Variants in CDHR3 observed in about 807,000 individuals in gnomAD.
CDHR3 encodes cadherin-related family member 3.
Under a neutral mutation model 86.6 loss-of-function variants are expected in CDHR3, and 79 were observed. The ratio of observed to expected loss-of-function variants is 0.91; its 90% CI spans 0.76 to 1.10. The LOEUF (loss-of-function observed/expected upper bound fraction) is 1.10. Among genes scored for constraint, CDHR3 ranks in the 50% least tolerant of loss-of-function variants. The pLI, the probability that CDHR3 is intolerant of heterozygous loss-of-function variation, is 0.00. For synonymous variants in CDHR3, 421 were observed against 402.4 expected (o/e 1.05, Z -0.55); for missense variants, 1,081 against 1,077.6 (o/e 1.00, Z -0.04).
chr7:105,972,217 G>A (rs1828090627), intron 1 of CDHR3, among the ~76,000 whole-genome samples: 1 of 152,212 alleles, frequency 6.6e-6, no homozygotes. Context: ...TCGGAGGATT[G>A]TGCTGGGATT....
chr7:106,029,255 A>G (rs1042777122), intron 17 of CDHR3, among the ~76,000 whole-genome samples: 3 of 152,176 alleles, frequency 2.0e-5, no homozygotes, highest in Non-Finnish European at 4.4e-5. Flanking sequence ...TGCTGGGATT[A>G]TAGGCATGAG....
At chr7:105,983,820 A>G (rs528544944) in intron 3 of CDHR3, among the ~76,000 whole-genome samples, 2 of 152,288 alleles carry the variant, frequency 1.3e-5, no homozygotes, top group Admixed American at 1.3e-4. Flanking sequence ...AGATTTGCAC[A>G]TTAAAATGGA....
Position 106,015,976 on chromosome 7 carries a change from C to A in CDHR3, c.1377C>A (p.Leu459=). Residue 459 remains leucine, a synonymous_variant, in exon 11 of 19, where the codon CTC becomes CTA. Coordinates refer to ENST00000317716, the MANE Select transcript of CDHR3 (RefSeq NM_152750.5). The part of the protein sequence containing the change: ...ILTSPENEFP[L]IFDRPSYVFD... Reference sequence around the variant, plus strand: ...CAAGCCCAGAAAATGAGTTTCCTCTCATTTTTGATAGGCCATCCTATGTAT... The same window carrying A: ...CAAGCCCAGAAAATGAGTTTCCTCTAATTTTTGATAGGCCATCCTATGTAT... The A allele has an allele frequency of 6.2e-7, 1 of 1,613,200 alleles. No individual in the cohort carries two copies. The highest frequency in any genetic ancestry group is 8.5e-7 in the Non-Finnish European group (1 of 1,179,534).
chr7:105,997,919 G>C (rs186997351), intron 6 of CDHR3, among the ~76,000 whole-genome samples: 16 of 152,068 alleles, frequency 1.1e-4, no homozygotes, highest in African/African-American at 3.9e-4. Context: ...TCCCCAAGCA[G>C]ATAGCATGAT....
At chr7:106,018,298 G>A (rs1835975244) in intron 12 of CDHR3, among the ~76,000 whole-genome samples, 2 of 152,186 alleles carry the variant, frequency 1.3e-5, no homozygotes. Context: ...GTACAGTGGT[G>A]TAACCTTGGC....
At position 106,018,048 on chromosome 7, in the gene CDHR3, C is replaced by G; in HGVS notation, c.1629C>G (p.Asn543Lys). ...ATATTCTCAGAATCCAGGCCACCAACAACGAAGACACAAGCTCTGTCACTG... is the reference window on the plus strand; with the variant it reads ...ATATTCTCAGAATCCAGGCCACCAAGAACGAAGACACAAGCTCTGTCACTG... ...PIYILRIQATNNEDTSSVTVT... is the reference protein window; with the variant it reads ...PIYILRIQATKNEDTSSVTVT... Residue 543 changes from asparagine to lysine, a missense_variant, in exon 12 of 19, where the codon AAC (asparagine) becomes AAG (lysine). By Grantham distance (94) the Asn-to-Lys change is moderately conservative. Transcript: ENST00000317716. 1.2e-6 allele frequency: 2 copies of G among 1,613,806 alleles called. No individual in the cohort carries two copies. Among genetic ancestry groups the G allele is most frequent in the Non-Finnish European group, 1.7e-6 (2 of 1,179,790 alleles).
At chr7:106,022,489 T>C in intron 14 of CDHR3, 41 bp downstream of exon 14, 3 of 1,594,588 alleles carry the variant, frequency 1.9e-6, no homozygotes, top group Non-Finnish European at 2.6e-6. Context: ...CACATTCCCT[T>C]GTGAGTTATG....
chr7:105,973,882 G>A (rs191440963), intron 1 of CDHR3, among the ~76,000 whole-genome samples: 9 of 152,184 alleles, frequency 5.9e-5, no homozygotes, highest in African/African-American at 1.7e-4. Flanking sequence ...CATGAGAATC[G>A]CTTGAACCCA....
intron 15 of CDHR3, among the ~76,000 whole-genome samples, chr7:106,025,016 AC>A (rs1261972535): frequency 6.6e-6 from 1 of 152,224 alleles, no homozygotes. Context: ...TTTTTGTGTG[AC>A]CAAATAATTC....
At chr7:106,011,858 T>C (rs776241181) in intron 8 of CDHR3, among the ~76,000 whole-genome samples, 2 of 152,066 alleles carry the variant, frequency 1.3e-5, no homozygotes, top group African/African-American at 4.8e-5. Context: ...AACCCTGGAG[T>C]CTACTGAGAT....
chr7:106,024,492 CT>C lies in CDHR3; in HGVS notation c.2189del (p.Leu730ArgfsTer24). The C allele has an allele frequency of 6.2e-7, 1 of 1,614,034 alleles. No homozygotes were observed. The highest frequency in any genetic ancestry group is 8.5e-7 in the Non-Finnish European group (1 of 1,179,902). On this transcript the variant is annotated frameshift_variant, in exon 15 of 19. Coordinates refer to ENST00000317716, the MANE Select transcript of CDHR3 (RefSeq NM_152750.5). LOFTEE classifies it high-confidence loss of function. ...ATTGCTTCTGGGTCTCCTCGTGTAC[CT>C]GGTCGTCCTATTGGCCAAAGCCATC... ...SILLLGLLVY[L>X]VVLLAKAIHR...
intron 8 of CDHR3, among the ~76,000 whole-genome samples, chr7:106,007,454 C>T (rs1343692488): frequency 6.6e-6 from 1 of 152,208 alleles, no homozygotes; most frequent in Non-Finnish European, 1.5e-5. Context: ...TTTAACAGCA[C>T]CCAAGTCACA....
chr7:106,024,286 A>T, intron 14 of CDHR3, 95 bp from the exon 15 acceptor site: 1 of 1,083,618 alleles, frequency 9.2e-7, no homozygotes, highest in Non-Finnish European at 1.3e-6. Context: ...CAATAACAAT[A>T]ACAAAGAGTG....
intron 13 of CDHR3, among the ~76,000 whole-genome samples, chr7:106,021,560 C>T (rs981637439): frequency 1.3e-5 from 2 of 152,242 alleles, no homozygotes; most frequent in African/African-American, 4.8e-5. Context: ...CTTGGGCTGG[C>T]AGCCTCTCTG....
intron 1 of CDHR3, among the ~76,000 whole-genome samples, chr7:105,973,473 C>T (rs1024456590): frequency 1.3e-5 from 2 of 152,132 alleles, no homozygotes; most frequent in African/African-American, 4.8e-5. Flanking sequence ...CCATGCCTAC[C>T]TCCTAGCTTC....
chr7:105,996,576 C>T (rs1184952143), intron 6 of CDHR3, among the ~76,000 whole-genome samples: 3 of 152,138 alleles, frequency 2.0e-5, no homozygotes, highest in Non-Finnish European at 1.5e-5. Context: ...TTCACATGCA[C>T]CATGGGATTT....
intron 4 of CDHR3, among the ~76,000 whole-genome samples, chr7:105,987,522 G>A (rs951561779): frequency 6.6e-6 from 1 of 152,120 alleles, no homozygotes; most frequent in African/African-American, 2.4e-5. Flanking sequence ...AAATGACATC[G>A]TTAGGTTCGT....
At chr7:105,983,887 C>G (rs1830147691) in intron 3 of CDHR3, among the ~76,000 whole-genome samples, 1 of 152,156 alleles carries the variant, frequency 6.6e-6, no homozygotes, top group Non-Finnish European at 1.5e-5. Flanking sequence ...CTTCCCAACT[C>G]TCTGCCCTAT....
chr7:106,018,742 A>G (rs1352346753), intron 12 of CDHR3, among the ~76,000 whole-genome samples: 1 of 151,972 alleles, frequency 6.6e-6, no homozygotes, highest in African/African-American at 2.4e-5. Context: ...GGAGTTATGC[A>G]TTTCCTCCCC....
Sources: allele counts gnomAD v4.1 joint callset (sites outside exome capture counted in the v4.1 genomes callset), GRCh38; gene constraint gnomAD v4.1.1; transcripts MANE v1.5; gene names NCBI Gene and HGNC (gene_info 2026-07-23, HGNC 2026-07-21).